CBLB: variants seen among roughly 807,000 people sequenced by gnomAD.
CBLB encodes E3 ubiquitin-protein ligase CBL-B.
CBLB carries 31 observed loss-of-function variants against 104.9 expected under a neutral mutation model. The observed-to-expected ratio is 0.30, with a 90% CI of 0.22 to 0.40. The LOEUF (loss-of-function observed/expected upper bound fraction) is 0.40. Ranked by LOEUF, CBLB falls within the 10% of genes least tolerant of loss-of-function variation. CBLB has a pLI of 1.00. For synonymous variants in CBLB, 440 were observed against 422.6 expected (o/e 1.04, Z -0.51); for missense variants, 1,062 against 1,214.6 (o/e 0.87, Z 1.87).
intron 1 of CBLB, 137 bp downstream of exon 1, chr3:105,868,599 T>A (rs569738966): frequency 8.5e-5 from 44 of 516,202 alleles, no homozygotes; most frequent in South Asian, 4.3e-4. Context: ...ATGCCCCACT[T>A]CAAACTGGAC....
At position 105,780,660 on chromosome 3, in the gene CBLB, G is replaced by GTTTTTTT. The variant is rs58640968; in HGVS notation, c.420-4125_420-4119dup. On this transcript the variant is annotated intron_variant, in intron 3 of 18. Transcript: ENST00000394030. The stretch of plus-strand genomic sequence containing the variant: ...TTTTACAATAAAAGTTTTGTTTTTT[G>GTTTTTTT]TTTTTTTTTTTTTTTTTTTTGAGAT... Among the ~76,000 whole-genome samples the GTTTTTTT allele has an allele frequency of 4.8e-3, 449 of 93,978 alleles. 2 individuals are homozygous for GTTTTTTT. Among genetic ancestry groups the GTTTTTTT allele is most frequent in the East Asian group, 0.014 (40 of 2,890 alleles). 61.7% of individuals were successfully genotyped at this position (93,978 alleles called of 152,430 possible).
chr3:105,702,491 A>AAAC, intron 11 of CBLB, 32 bp from the exon 12 acceptor site: 11 of 1,477,696 alleles, frequency 7.4e-6, no homozygotes, highest in Admixed American at 4.7e-5. Flanking sequence ...AAAAAAAAAA[A>AAAC]AAAAAAAACT....
chr3:105,852,424 A>AT (rs1197799919), intron 3 of CBLB, among the ~76,000 whole-genome samples: 1 of 152,128 alleles, frequency 6.6e-6, no homozygotes, highest in Non-Finnish European at 1.5e-5. Context: ...ATTTTTTAAC[A>AT]TTTTTTAAAG....
intron 6 of CBLB, among the ~76,000 whole-genome samples, chr3:105,742,953 G>T (rs139526129): frequency 6.6e-6 from 1 of 152,100 alleles, no homozygotes; most frequent in Admixed American, 6.6e-5. Flanking sequence ...TATACAGAAG[G>T]TTCAAGCAAT....
intron 9 of CBLB, among the ~76,000 whole-genome samples, chr3:105,732,375 G>A (rs1186054956): frequency 6.6e-6 from 1 of 152,178 alleles, no homozygotes; most frequent in Non-Finnish European, 1.5e-5. Flanking sequence ...TGTTGAGAAT[G>A]ATCTCCTTCA....
intron 8 of CBLB, among the ~76,000 whole-genome samples, chr3:105,734,351 T>C (rs562493851): frequency 4.1e-4 from 63 of 152,320 alleles, no homozygotes; most frequent in African/African-American, 1.5e-3. Flanking sequence ...TTATCATCTA[T>C]CTTACATGCT....
chr3:105,683,074 A>T (rs2066517266), intron 14 of CBLB, among the ~76,000 whole-genome samples: 1 of 152,240 alleles, frequency 6.6e-6, no homozygotes, highest in African/African-American at 2.4e-5. Flanking sequence ...TTCATCTGAA[A>T]TTCATTTCTA....
At chr3:105,722,555 C>A (rs919347259) in intron 9 of CBLB, among the ~76,000 whole-genome samples, 8 of 58,318 alleles carry the variant, frequency 1.4e-4, no homozygotes, top group African/African-American at 5.0e-4. Context: ...AACCAAGAAC[C>A]TTTTAAAGAC....
In CBLB at chr3:105,842,099, C is replaced by T. The variant is rs2089633581; in HGVS notation, c.419+11315G>A. ...AGCAAGAGTCAGGCAGGTTTACTGT[C>T]CATTATAAAAATTCAGGGTCCTTAG... On this transcript the variant is annotated intron_variant, in intron 3 of 18. Transcript: ENST00000394030. Among the ~76,000 whole-genome samples, 3 of 152,036 alleles carry T rather than the reference C, an allele frequency of 2.0e-5. No individual in the cohort carries two copies. In the South Asian group the frequency reaches 6.2e-4, roughly 32 times the overall value.
intron 3 of CBLB, among the ~76,000 whole-genome samples, chr3:105,776,911 A>G (rs1235953949): frequency 6.6e-6 from 1 of 152,146 alleles, no homozygotes; most frequent in Non-Finnish European, 1.5e-5. Context: ...TACCTGGGGG[A>G]GTAAGGAAAG....
intron 2 of CBLB, among the ~76,000 whole-genome samples, chr3:105,857,391 C>A (rs2091721192): frequency 6.6e-6 from 1 of 151,970 alleles, no homozygotes; most frequent in Non-Finnish European, 1.5e-5. Flanking sequence ...CTTCCTGATT[C>A]AAAGAGATGC....
chr3:105,782,956 G>C (rs2080473714), intron 3 of CBLB, among the ~76,000 whole-genome samples: 1 of 152,146 alleles, frequency 6.6e-6, no homozygotes, highest in African/African-American at 2.4e-5. Flanking sequence ...CTCTTCACAG[G>C]ACAAATATAT....
chr3:105,762,139 A>C (rs892098133), intron 4 of CBLB: 1 of 152,228 alleles, frequency 6.6e-6, no homozygotes, highest in African/African-American at 2.4e-5. Flanking sequence ...AAAAGCATTA[A>C]GTTTTATTCA....
At chr3:105,869,028 C>T, upstream of CBLB, 1 of 992,502 alleles carries the variant, frequency 1.0e-6, no homozygotes, top group Non-Finnish European at 1.3e-6. Flanking sequence ...ACCCCTGTGG[C>T]ACACACAGGA....
At chr3:105,701,677 C>A (rs943588446) in intron 12 of CBLB, among the ~76,000 whole-genome samples, 1 of 151,730 alleles carries the variant, frequency 6.6e-6, no homozygotes, top group African/African-American at 2.4e-5. Context: ...GCAGGAGAAT[C>A]GCTTGAACCT....
In CBLB at chr3:105,657,777, C is replaced by G. The variant is rs1383018131; in HGVS notation, c.*1193G>C. On this transcript the variant is annotated 3_prime_UTR_variant, in exon 19 of 19. Transcript: ENST00000394030. ...AGTGTGGAGCAATGAATGAGAGAATCTGCAAATTAAATATGAACTCTAATT... is the reference window on the plus strand; with the variant it reads ...AGTGTGGAGCAATGAATGAGAGAATGTGCAAATTAAATATGAACTCTAATT... 3 of 206,032 alleles carry G rather than the reference C, an allele frequency of 1.5e-5. No individual in the cohort carries two copies. The highest frequency in any genetic ancestry group is 6.8e-5 in the African/African-American group (3 of 43,886). 12.8% of individuals were successfully genotyped at this position (206,032 alleles called of 1,614,324 possible). A position where few individuals can be genotyped will look rare whatever the true frequency, so the allele number is the denominator to read the frequency against.
intron 3 of CBLB, among the ~76,000 whole-genome samples, chr3:105,833,574 C>T (rs1013122989): frequency 2.6e-5 from 4 of 151,876 alleles, no homozygotes; most frequent in African/African-American, 4.8e-5. Context: ...ATAAGAAATG[C>T]TGTTAGTATT....
intron 11 of CBLB, 57 bp downstream of exon 11, chr3:105,703,931 G>A (rs2069652410): frequency 6.8e-7 from 1 of 1,469,092 alleles, no homozygotes; most frequent in African/African-American, 1.4e-5. Context: ...AAGAATCTGA[G>A]CAATCAATAA....
chr3:105,854,514 G>T (rs1040269309), intron 2 of CBLB, among the ~76,000 whole-genome samples: 6 of 151,296 alleles, frequency 4.0e-5, no homozygotes, highest in Non-Finnish European at 8.8e-5. Context: ...TAGTGTAATG[G>T]GACAGCACTC....
Sources: allele counts gnomAD v4.1 joint callset (sites outside exome capture counted in the v4.1 genomes callset), GRCh38; gene constraint gnomAD v4.1.1; transcripts MANE v1.5; gene names NCBI Gene and HGNC (gene_info 2026-07-23, HGNC 2026-07-21).